Variants in NBDY observed in about 807,000 individuals in gnomAD.
The protein encoded by NBDY is negative regulator of P-body association.
chrX:56,814,674 T>A (rs1986963276), intron 2 of NBDY, among the ~76,000 whole-genome samples: 1 of 110,026 alleles, frequency 9.1e-6, no homozygotes, highest in African/African-American at 3.3e-5. Context: ...TTGGTACTTT[T>A]AGTAGAGATG....
intron 2 of NBDY, among the ~76,000 whole-genome samples, chrX:56,745,447 G>C (rs1232589467): frequency 1.8e-5 from 2 of 109,443 alleles, no homozygotes; most frequent in Non-Finnish European, 3.8e-5. Context: ...AGATTTTTTT[G>C]CTGAGCCATT....
intron 2 of NBDY, among the ~76,000 whole-genome samples, chrX:56,790,932 T>C (rs1476053572): frequency 8.9e-6 from 1 of 112,236 alleles, no homozygotes; most frequent in Non-Finnish European, 1.9e-5. Context: ...GTGGGGAGCA[T>C]GGCAGCCTCC....
chrX:56,790,594 C>T (rs1186043044), intron 2 of NBDY, among the ~76,000 whole-genome samples: 2 of 112,543 alleles, frequency 1.8e-5, no homozygotes, highest in Non-Finnish European at 3.8e-5. Context: ...GAAAAGAATG[C>T]AGGAAGATCT....
At chrX:56,766,590 G>A (rs778545431) in intron 2 of NBDY, among the ~76,000 whole-genome samples, 39 of 111,987 alleles carry the variant, frequency 3.5e-4, no homozygotes, top group Non-Finnish European at 6.6e-4. Context: ...CATTCTCTTC[G>A]ACAGGGGTTC....
At chrX:56,764,858 G>A (rs192142153) in intron 2 of NBDY, among the ~76,000 whole-genome samples, 11 of 111,969 alleles carry the variant, frequency 9.8e-5, no homozygotes, top group African/African-American at 2.6e-4. Context: ...GGCCCAACAG[G>A]CCTCTGTGCC....
At chrX:56,781,520 C>T (rs2069690745) in intron 2 of NBDY, among the ~76,000 whole-genome samples, 1 of 112,096 alleles carries the variant, frequency 8.9e-6, no homozygotes, top group Non-Finnish European at 1.9e-5. Context: ...AGGCTACTCA[C>T]AGGGCTGTCA....
chrX:56,784,183 C>G (rs1000360368), intron 2 of NBDY, among the ~76,000 whole-genome samples: 5 of 112,358 alleles, frequency 4.5e-5, no homozygotes, highest in Non-Finnish European at 9.4e-5. Flanking sequence ...GAGACCAGGC[C>G]GTATGCTGAG....
intron 2 of NBDY, among the ~76,000 whole-genome samples, chrX:56,812,068 C>G (rs2069889871): frequency 9.0e-6 from 1 of 111,210 alleles, no homozygotes; most frequent in Non-Finnish European, 1.9e-5. Flanking sequence ...GGCTGACCCT[C>G]CTTGGGCTGC....
chrX:56,788,313 G>T (rs973686686), intron 2 of NBDY, among the ~76,000 whole-genome samples: 6 of 113,092 alleles, frequency 5.3e-5, no homozygotes, highest in Non-Finnish European at 1.1e-4. Flanking sequence ...GTTGTAGTTG[G>T]CATTTGTGGA....
At chrX:56,739,129 GAGAAAAAAAAAGC>G (rs2069513733) in intron 2 of NBDY, among the ~76,000 whole-genome samples, 2 of 102,266 alleles carry the variant, frequency 2.0e-5, no homozygotes, top group South Asian at 9.2e-4. Flanking sequence ...TTGCCTTTGG[GAGAAAAAAAAAGC>G]AGGTAAAAGG....
At chrX:56,753,191 C>G (rs777681903) in intron 2 of NBDY, among the ~76,000 whole-genome samples, 1 of 112,268 alleles carries the variant, frequency 8.9e-6, no homozygotes, top group Non-Finnish European at 1.9e-5. Context: ...AAACCATGCA[C>G]CTGTTCTTGA....
chrX:56,802,525 C>T (rs2069829039), intron 2 of NBDY, among the ~76,000 whole-genome samples: 1 of 110,218 alleles, frequency 9.1e-6, no homozygotes, highest in Non-Finnish European at 1.9e-5. Context: ...CTGCCACACG[C>T]CCTGTGACTG....
intron 2 of NBDY, among the ~76,000 whole-genome samples, chrX:56,736,408 G>T (rs2069493607): frequency 9.0e-6 from 1 of 111,603 alleles, no homozygotes; most frequent in Non-Finnish European, 1.9e-5. Flanking sequence ...GGGACCACCG[G>T]TGCCCGCCAC....
At chrX:56,749,654 C>CT (rs80181550) in intron 2 of NBDY, among the ~76,000 whole-genome samples, 6 of 81,896 alleles carry the variant, frequency 7.3e-5, no homozygotes, top group African/African-American at 2.2e-4. Flanking sequence ...CATTTGCATC[C>CT]TTTTTTTTTT....
At chrX:56,765,199 C>T (rs2069659498) in intron 2 of NBDY, among the ~76,000 whole-genome samples, 1 of 112,033 alleles carries the variant, frequency 8.9e-6, no homozygotes, top group Non-Finnish European at 1.9e-5. Context: ...CTAGCTGACC[C>T]CTGCGAGGAG....
intron 2 of NBDY, among the ~76,000 whole-genome samples, chrX:56,789,265 C>T (rs1248299590): frequency 2.7e-5 from 3 of 112,650 alleles, no homozygotes; most frequent in Non-Finnish European, 3.8e-5. Flanking sequence ...CCCTCCTTCC[C>T]TCTGGATTCT....
Position 56,781,702 on chromosome X carries a change from G to A in NBDY, c.*167-35618G>A, listed in dbSNP as rs145757792. Among the ~76,000 whole-genome samples the A allele has an allele frequency of 5.2e-3, 581 of 112,019 alleles. 6 individuals carry two copies. Among genetic ancestry groups the A allele is most frequent in the Middle Eastern group, 9.2e-3 (2 of 218 alleles). On this transcript the variant is annotated intron_variant, in intron 2 of 2. Transcript: ENST00000374922. ...ACAATCAGCCAAGAAGGCAGGGTCAGTTATGCACGGGGACATGGTTAAGGA... is the reference window on the plus strand; with the variant it reads ...ACAATCAGCCAAGAAGGCAGGGTCAATTATGCACGGGGACATGGTTAAGGA...
At chrX:56,766,012 G>A (rs889885901) in intron 2 of NBDY, among the ~76,000 whole-genome samples, 4 of 111,353 alleles carry the variant, frequency 3.6e-5, no homozygotes, top group African/African-American at 1.3e-4. Flanking sequence ...ACAGATGAAG[G>A]TCATGAGTTT....
intron 2 of NBDY, among the ~76,000 whole-genome samples, chrX:56,742,805 TG>T (rs1389413267): frequency 9.0e-6 from 1 of 111,618 alleles, no homozygotes; most frequent in Admixed American, 9.5e-5. Flanking sequence ...CCAATTTGGA[TG>T]CCCTTAATTT....
Sources: gnomAD v4.1 joint callset for allele counts (sites outside exome capture counted in the v4.1 genomes callset) on GRCh38, gnomAD v4.1.1 for gene constraint, MANE v1.5 for transcripts, NCBI Gene and HGNC (gene_info 2026-07-23, HGNC 2026-07-21) for gene names.